MAP4: variants seen among roughly 807,000 people sequenced by gnomAD.
MAP4 encodes microtubule-associated protein 4.
MAP4 carries 76 observed loss-of-function variants against 170.2 expected under a neutral mutation model. The observed-to-expected ratio is 0.45, with a 90% CI of 0.37 to 0.54. The LOEUF (loss-of-function observed/expected upper bound fraction) is 0.54. Ranked by LOEUF, MAP4 falls within the 20% of genes least tolerant of loss-of-function variation. The pLI, the probability that MAP4 is intolerant of heterozygous loss-of-function variation, is 0.00. For synonymous variants in MAP4, 909 were observed against 994.5 expected (o/e 0.91, Z 1.62); for missense variants, 2,506 against 2,748.0 (o/e 0.91, Z 1.97).
chr3:47,875,928 A>G (rs757387779), intron 11 of MAP4, 28 bp from the exon 12 acceptor site: 2 of 1,520,510 alleles, frequency 1.3e-6, no homozygotes, highest in South Asian at 1.2e-5. Flanking sequence ...TTTATTTTTT[A>G]TTTTTATTTT....
chr3:48,065,016 T>C (rs2100137681), intron 1 of MAP4, among the ~76,000 whole-genome samples: 1 of 152,118 alleles, frequency 6.6e-6, no homozygotes, highest in Non-Finnish European at 1.5e-5. Context: ...TGTAGTCCCA[T>C]CTACTGTGGA....
chr3:47,927,164 A>T (rs565227574), intron 4 of MAP4, among the ~76,000 whole-genome samples: 1 of 151,722 alleles, frequency 6.6e-6, no homozygotes, highest in African/African-American at 2.4e-5. Context: ...GTCTCAAAAA[A>T]AAAAAAAAAA....
intron 1 of MAP4, among the ~76,000 whole-genome samples, chr3:48,035,616 A>G (rs1449532484): frequency 6.6e-6 from 1 of 151,914 alleles, no homozygotes; most frequent in Non-Finnish European, 1.5e-5. Flanking sequence ...CAACAGAGTG[A>G]GATCCTGTCT....
intron 10 of MAP4, among the ~76,000 whole-genome samples, chr3:47,896,116 G>A (rs980118718): frequency 6.6e-6 from 1 of 152,152 alleles, no homozygotes; most frequent in Non-Finnish European, 1.5e-5. Flanking sequence ...GGTCACCCAG[G>A]GGTCTGAGTA....
chr3:47,879,256 A>C (rs1173625352), intron 10 of MAP4, among the ~76,000 whole-genome samples: 2 of 152,186 alleles, frequency 1.3e-5, no homozygotes, highest in Admixed American at 6.5e-5. Context: ...AAAAACAACA[A>C]AGCATAAGTA....
chr3:48,069,607 G>A (rs138339297), intron 1 of MAP4, among the ~76,000 whole-genome samples: 237 of 152,322 alleles, frequency 1.6e-3, no homozygotes, highest in Non-Finnish European at 2.6e-3. Flanking sequence ...GTTTGCCTCT[G>A]AAGCATCTCA....
intron 1 of MAP4, among the ~76,000 whole-genome samples, chr3:48,055,781 T>A (rs1446070488): frequency 1.7e-5 from 2 of 115,804 alleles, no homozygotes; most frequent in African/African-American, 6.6e-5. Flanking sequence ...CCAGCCGCCA[T>A]CACATCTAGG....
chr3:47,978,374 A>G (rs1416282812), intron 2 of MAP4, among the ~76,000 whole-genome samples: 1 of 152,150 alleles, frequency 6.6e-6, no homozygotes, highest in African/African-American at 2.4e-5. Context: ...CTGGAGTGCC[A>G]TGGTGCAACC....
rs56923064 is a variant in MAP4 at position 47,881,446 on chromosome 3, CTATATATATATA to C, written c.5435-3935_5435-3924del. 7.0e-3 allele frequency among the ~76,000 whole-genome samples: 345 copies of C among 49,442 alleles called. 7 individuals are homozygous for C. Among genetic ancestry groups the C allele is most frequent in the African/African-American group, 0.013 (137 of 10,632 alleles). 32.4% of individuals were successfully genotyped at this position (49,442 alleles called of 152,430 possible). On this transcript the variant is annotated intron_variant, in intron 10 of 20. Coordinates refer to ENST00000683076, the MANE Select transcript of MAP4 (RefSeq NM_001385682.1). ...CAGCCTGGGCAACAAGAAAAAACAA[CTATATATATATA>C]TATATATATATATATATATATATAT...
chr3:47,992,823 G>C (rs1364456927), intron 2 of MAP4, among the ~76,000 whole-genome samples: 1 of 148,682 alleles, frequency 6.7e-6, no homozygotes, highest in Non-Finnish European at 1.5e-5. Flanking sequence ...AGAATCTCTT[G>C]AACACAGGAG....
At chr3:47,975,057 T>C in intron 3 of MAP4, 1 of 1,039,676 alleles carries the variant, frequency 9.6e-7, no homozygotes, top group Non-Finnish European at 1.2e-6. Context: ...TTCTGATTCA[T>C]GTTGAACATT....
chr3:47,916,328 AC>A lies in MAP4; in HGVS notation c.1498del (p.Val500TrpfsTer4). ...TGGAGACATGTCCTTCAACAAGCCCACTTCTTTTACTGTGGACGGAGCCACA... is the reference window on the plus strand; with the variant it reads ...TGGAGACATGTCCTTCAACAAGCCCATTCTTTTACTGTGGACGGAGCCACA... The part of the protein sequence containing the change: ...KDVAPSTVKE[V>X]GLLKDMSPLS... On this transcript the variant is annotated frameshift_variant, in exon 7 of 21. Coordinates refer to ENST00000683076, the MANE Select transcript of MAP4 (RefSeq NM_001385682.1). LOFTEE classifies it high-confidence loss of function. 6.2e-7 allele frequency: 1 copy of A among 1,614,194 alleles called. No individual in the cohort carries two copies.
In MAP4 at chr3:47,861,409, A is replaced by G. The variant is rs1394341022; in HGVS notation, c.6502-3897T>C. ...CACTTTGTCGCCAGGCTGGAGTCCA[A>G]TGGCATGATTTCAACTCACTGCAAC... On this transcript the variant is annotated intron_variant, in intron 17 of 20. Coordinates refer to ENST00000683076, the MANE Select transcript of MAP4 (RefSeq NM_001385682.1). 2.0e-5 allele frequency among the ~76,000 whole-genome samples: 3 copies of G among 150,324 alleles called. No homozygotes were observed. The East Asian group carries it at 5.9e-4, about 30-fold the overall frequency.
At chr3:47,883,198 C>T (rs983040163) in intron 10 of MAP4, among the ~76,000 whole-genome samples, 3 of 152,122 alleles carry the variant, frequency 2.0e-5, no homozygotes, top group Non-Finnish European at 4.4e-5. Context: ...TGATTTATGA[C>T]TTTAAAAAAT....
chr3:47,982,167 T>A (rs2100085761), intron 2 of MAP4, among the ~76,000 whole-genome samples: 1 of 151,912 alleles, frequency 6.6e-6, no homozygotes, highest in Non-Finnish European at 1.5e-5. Flanking sequence ...AAGGGAGATT[T>A]AAAAAAAACA....
chr3:47,970,886 G>T (rs1439268475), intron 3 of MAP4, among the ~76,000 whole-genome samples: 1 of 152,158 alleles, frequency 6.6e-6, no homozygotes, highest in Non-Finnish European at 1.5e-5. Flanking sequence ...AAGCTATTTT[G>T]TCTTATTCAA....
At chr3:48,073,252 TACACACACACACAC>T (rs35163339) in intron 1 of MAP4, among the ~76,000 whole-genome samples, 61,044 of 134,520 alleles carry the variant, frequency 0.45, 14,190 homozygotes, top group Non-Finnish European at 0.53. Flanking sequence ...TCCAAAGGAA[TACACACACACACAC>T]ACACACACAC....
At chr3:47,917,281 T>A in intron 6 of MAP4, 107 bp from the exon 7 acceptor site, 1 of 842,760 alleles carries the variant, frequency 1.2e-6, no homozygotes, top group Non-Finnish European at 1.9e-6. Context: ...CATAAGACTG[T>A]ACACATAACT....
At chr3:48,008,004 T>C (rs1230100809) in intron 1 of MAP4, among the ~76,000 whole-genome samples, 1 of 152,112 alleles carries the variant, frequency 6.6e-6, no homozygotes. Context: ...TTAGTGGAAA[T>C]TGAATGTTTG....
Sources: allele counts gnomAD v4.1 joint callset (sites outside exome capture counted in the v4.1 genomes callset), GRCh38; gene constraint gnomAD v4.1.1; transcripts MANE v1.5; gene names NCBI Gene and HGNC (gene_info 2026-07-23, HGNC 2026-07-21).